The following KCNMB2 variants were observed in gnomAD, a reference collection of about 807,000 sequenced individuals.
KCNMB2 encodes the protein potassium calcium-activated channel subfamily M regulatory beta subunit 2.
KCNMB2 carries 9 observed loss-of-function variants against 24.5 expected under a neutral mutation model. The observed-to-expected ratio is 0.37, with a 90% CI of 0.22 to 0.64. The LOEUF (loss-of-function observed/expected upper bound fraction) is 0.64. Among genes scored for constraint, KCNMB2 ranks in the 30% least tolerant of loss-of-function variants. KCNMB2 has a pLI of 0.63. For missense variants in KCNMB2, 226 were observed against 284.3 expected (o/e 0.79, Z 1.47); for synonymous variants, 109 against 104.4 (o/e 1.04, Z -0.27).
intron 1 of KCNMB2, among the ~76,000 whole-genome samples, chr3:178,712,397 T>C (rs1172832561): frequency 6.6e-6 from 1 of 152,148 alleles, no homozygotes; most frequent in East Asian, 1.9e-4. Flanking sequence ...TGAATAAGTG[T>C]GGGGTTACGT....
chr3:178,595,133 G>A (rs1015807342), intron 1 of KCNMB2, among the ~76,000 whole-genome samples: 5 of 150,732 alleles, frequency 3.3e-5, no homozygotes, highest in African/African-American at 1.2e-4. Context: ...TGCTAAAAGA[G>A]GTATTTCAGC....
intron 1 of KCNMB2, among the ~76,000 whole-genome samples, chr3:178,698,926 G>A (rs538985179): frequency 6.6e-6 from 1 of 152,322 alleles, no homozygotes; most frequent in Non-Finnish European, 1.5e-5. Context: ...CCAACTCTGG[G>A]GGACTCATAT....
rs144499183 is a variant in KCNMB2 at position 178,707,619 on chromosome 3, G to A, written c.-67-99724G>A. On this transcript the variant is annotated intron_variant, in intron 1 of 4. Transcript: ENST00000452583. ...TCCTGATGCCCAGATGATACCCTGT[G>A]CCAATTCTCAGAATCTCTGGGAGGA... Among the ~76,000 whole-genome samples the A allele has an allele frequency of 4.1e-3, 623 of 152,204 alleles. 6 individuals are homozygous for A. Among genetic ancestry groups the A allele is most frequent in the Non-Finnish European group, 5.8e-3 (396 of 68,004 alleles).
intron 1 of KCNMB2, among the ~76,000 whole-genome samples, chr3:178,568,869 TA>T (rs1386534476): frequency 1.1e-4 from 16 of 146,530 alleles, no homozygotes; most frequent in East Asian, 2.0e-4. Flanking sequence ...GATAGATAGA[TA>T]GATAGATAGA....
At chr3:178,837,930 T>C (rs755329318) in intron 4 of KCNMB2, among the ~76,000 whole-genome samples, 39 of 152,262 alleles carry the variant, frequency 2.6e-4, no homozygotes, top group Middle Eastern at 3.4e-3. Context: ...AAGGAAAAAC[T>C]TCACTTTCAA....
chr3:178,566,013 A>G (rs1716504474), intron 1 of KCNMB2, among the ~76,000 whole-genome samples: 1 of 152,230 alleles, frequency 6.6e-6, no homozygotes, highest in Non-Finnish European at 1.5e-5. Flanking sequence ...ATCTCTTTGA[A>G]TCAGGGCAGA....
At position 178,595,059 on chromosome 3, in the gene KCNMB2, CAAAAA is replaced by C. The variant is rs57471892; in HGVS notation, c.-68+58360_-68+58364del. Among the ~76,000 whole-genome samples, 14 of 123,746 alleles carry C rather than the reference CAAAAA, an allele frequency of 1.1e-4. No individual in the cohort carries two copies. The South Asian group carries it at 2.2e-3, about 20-fold the overall frequency. 81.2% of individuals were successfully genotyped at this position (123,746 alleles called of 152,430 possible). A position where few individuals can be genotyped will look rare whatever the true frequency, so the allele number is the denominator to read the frequency against. Reference sequence around the variant, plus strand: ...GCCTTAGTGGCATATACAGTATTTGCAAAAAAAAAAAAAAAATCAATACATCAATA... The same window carrying C: ...GCCTTAGTGGCATATACAGTATTTGCAAAAAAAAAAATCAATACATCAATA... On this transcript the variant is annotated intron_variant, in intron 1 of 4. Coordinates refer to ENST00000452583, the MANE Select transcript of KCNMB2 (RefSeq NM_181361.3).
chr3:178,836,915 A>G (rs1265743357), intron 4 of KCNMB2, among the ~76,000 whole-genome samples: 1 of 152,170 alleles, frequency 6.6e-6, no homozygotes, highest in African/African-American at 2.4e-5. Flanking sequence ...AATGCATTCT[A>G]TGTATTCAAA....
intron 1 of KCNMB2, among the ~76,000 whole-genome samples, chr3:178,618,932 T>A (rs1281571304): frequency 6.6e-6 from 1 of 152,214 alleles, no homozygotes; most frequent in Non-Finnish European, 1.5e-5. Context: ...GATAAAAAAA[T>A]TGGGACTAGG....
chr3:178,841,531 TTTAA>T (rs1715429562), intron 4 of KCNMB2: 8 of 152,254 alleles, frequency 5.3e-5, no homozygotes, highest in Admixed American at 4.6e-4. Context: ...ATGAAAAAGG[TTTAA>T]TTAACTCACA....
At chr3:178,816,158 T>A (rs1483633512) in intron 2 of KCNMB2, among the ~76,000 whole-genome samples, 1 of 151,968 alleles carries the variant, frequency 6.6e-6, no homozygotes, top group Non-Finnish European at 1.5e-5. Context: ...ATGATTCAAA[T>A]TTTTAATGAT....
In KCNMB2 at chr3:178,691,725, CATGT is replaced by C. The variant is rs112936885; in HGVS notation, c.-67-115617_-67-115614del. 1.6e-3 allele frequency among the ~76,000 whole-genome samples: 251 copies of C among 152,266 alleles called. 1 individual carries two copies. The highest frequency in any genetic ancestry group is 5.8e-3 in the African/African-American group (240 of 41,544). On this transcript the variant is annotated intron_variant, in intron 1 of 4. Transcript: ENST00000452583. The stretch of plus-strand genomic sequence containing the variant: ...TAGTGCTGCAATGAACATACGCATG[CATGT>C]GTCTTTATAATAGAACAATTTATAC...
chr3:178,808,270 C>A (rs1221914768), intron 2 of KCNMB2, among the ~76,000 whole-genome samples: 3 of 152,132 alleles, frequency 2.0e-5, no homozygotes, highest in Admixed American at 2.0e-4. Flanking sequence ...TAGTCTTCCT[C>A]TTTCTCATTG....
intron 1 of KCNMB2, among the ~76,000 whole-genome samples, chr3:178,746,702 T>C (rs564359704): frequency 1.3e-5 from 2 of 152,328 alleles, no homozygotes; most frequent in East Asian, 3.9e-4. Flanking sequence ...TAGAAACTTC[T>C]TCCACCAGAT....
At chr3:178,747,858 C>G in intron 1 of KCNMB2, among the ~76,000 whole-genome samples, 1 of 152,168 alleles carries the variant, frequency 6.6e-6, no homozygotes, top group African/African-American at 2.4e-5. Context: ...GCTAGTTCAC[C>G]TTATGACAGG....
chr3:178,795,809 AATATAAT>A (rs778511467), intron 1 of KCNMB2, among the ~76,000 whole-genome samples: 9 of 152,218 alleles, frequency 5.9e-5, no homozygotes, highest in Non-Finnish European at 1.2e-4. Context: ...AACAATATAA[AATATAAT>A]ATACTAAATA....
chr3:178,646,395 G>C (rs559248478), intron 1 of KCNMB2, among the ~76,000 whole-genome samples: 1 of 152,268 alleles, frequency 6.6e-6, no homozygotes, highest in South Asian at 2.1e-4. Flanking sequence ...TGGTTTAACT[G>C]CCAGCTTCAT....
intron 1 of KCNMB2, among the ~76,000 whole-genome samples, chr3:178,758,079 TATACACAA>T (rs1724239235): frequency 2.3e-5 from 2 of 88,814 alleles, no homozygotes; most frequent in East Asian, 3.3e-4. Flanking sequence ...GATATATATA[TATACACAA>T]GAGGATATAT....
intron 1 of KCNMB2, among the ~76,000 whole-genome samples, chr3:178,788,135 G>A (rs139319229): frequency 7.7e-4 from 117 of 152,150 alleles, no homozygotes; most frequent in African/African-American, 2.7e-3. Context: ...AGGAAAGGGT[G>A]GTTTCAACAT....
Sources: gnomAD v4.1 joint callset for allele counts (sites outside exome capture counted in the v4.1 genomes callset) on GRCh38, gnomAD v4.1.1 for gene constraint, MANE v1.5 for transcripts, NCBI Gene and HGNC (gene_info 2026-07-23, HGNC 2026-07-21) for gene names.